The following SLC9A2 variants were observed in gnomAD, a reference collection of about 807,000 sequenced individuals.
SLC9A2 encodes sodium/hydrogen exchanger 2.
In SLC9A2, 42 loss-of-function variants were observed where a neutral mutation model predicts 71.7. The observed-to-expected ratio is 0.59, with a 90% CI of 0.46 to 0.76. The LOEUF (loss-of-function observed/expected upper bound fraction) is 0.76. Ranked by LOEUF, SLC9A2 falls within the 30% of genes least tolerant of loss-of-function variation. The pLI is 0.00. For missense variants in SLC9A2, 829 were observed against 1,017.4 expected (o/e 0.81, Z 2.52); for synonymous variants, 396 against 392.5 (o/e 1.01, Z -0.10).
At chr2:102,641,579 G>T (rs1232846740) in intron 1 of SLC9A2, among the ~76,000 whole-genome samples, 1 of 151,752 alleles carries the variant, frequency 6.6e-6, no homozygotes, top group East Asian at 1.9e-4. Flanking sequence ...CCCCCACAGG[G>T]AAGACAAGAT....
At chr2:102,662,761 G>GT (rs1444719526) in intron 2 of SLC9A2, among the ~76,000 whole-genome samples, 3 of 143,284 alleles carry the variant, frequency 2.1e-5, no homozygotes, top group Admixed American at 1.5e-4. Context: ...TTAGAAAGCA[G>GT]TTTAAAAAAA....
intron 1 of SLC9A2, among the ~76,000 whole-genome samples, chr2:102,655,501 T>C (rs114696504): frequency 0.01 from 1,540 of 152,286 alleles, 24 homozygotes; most frequent in African/African-American, 0.035. Flanking sequence ...AGTTTGTTGA[T>C]ATTTAAACTT....
At chr2:102,703,278 G>C (rs969145742) in intron 9 of SLC9A2, among the ~76,000 whole-genome samples, 1 of 152,070 alleles carries the variant, frequency 6.6e-6, no homozygotes, top group Non-Finnish European at 1.5e-5. Context: ...TAAACTATTC[G>C]TTGAAAATTT....
Position 102,684,383 on chromosome 2 carries a change from G to C in SLC9A2, c.1425+47G>C, listed in dbSNP as rs770690247. ...CCAGGAGGGTAAAAAATATCGTTCA[G>C]AATATTGGATTCTGTTTACAGGATG... On this transcript the variant is annotated intron_variant, in intron 5 of 11. Coordinates refer to ENST00000233969, the MANE Select transcript of SLC9A2 (RefSeq NM_003048.6). The C allele has an allele frequency of 4.6e-6, 7 of 1,534,254 alleles. No homozygotes were observed. The Middle Eastern group carries it at 6.9e-4, about 151-fold the overall frequency.
intron 5 of SLC9A2, among the ~76,000 whole-genome samples, chr2:102,688,992 A>G (rs1677608901): frequency 6.6e-6 from 1 of 152,232 alleles, no homozygotes. Flanking sequence ...AACTTAGGTT[A>G]AGTCACGGTG....
At chr2:102,647,320 C>T (rs549294381) in intron 1 of SLC9A2, among the ~76,000 whole-genome samples, 1 of 152,172 alleles carries the variant, frequency 6.6e-6, no homozygotes, top group Non-Finnish European at 1.5e-5. Context: ...CACAAGGTAC[C>T]AGAATCTCTG....
chr2:102,696,654 C>A (rs973459214), intron 7 of SLC9A2, among the ~76,000 whole-genome samples: 5 of 152,096 alleles, frequency 3.3e-5, no homozygotes, highest in African/African-American at 1.2e-4. Flanking sequence ...TAATGAGTGA[C>A]AAAGACATTC....
rs1198826827 is a variant in SLC9A2 at position 102,665,800 on chromosome 2, A to AAAG, written c.1004+451_1004+452insAGA. Among the ~76,000 whole-genome samples, 5 of 146,218 alleles carry AAAG rather than the reference A, an allele frequency of 3.4e-5. No individual in the cohort carries two copies. The East Asian group carries it at 5.8e-4, about 17-fold the overall frequency. The stretch of plus-strand genomic sequence containing the variant: ...AAAAAAAAAAAAAAAAAAAAAAAAA[A>AAAG]AGATTTTTCTTATGTTTTGTTACAA... On this transcript the variant is annotated intron_variant, in intron 3 of 11. Coordinates refer to ENST00000233969, the MANE Select transcript of SLC9A2 (RefSeq NM_003048.6).
Position 102,710,275 on chromosome 2 carries a change from TA to T in SLC9A2, c.*1790del, listed in dbSNP as rs1678079930. ...TGCTTAACACAAATTAAAACTGACA[TA>T]AAATTTTATGATAATAACATGATTC... On this transcript the variant is annotated 3_prime_UTR_variant, in exon 12 of 12. Transcript: ENST00000233969. 6 of 152,562 alleles carry T rather than the reference TA, an allele frequency of 3.9e-5. No individual in the cohort carries two copies. The highest frequency in any genetic ancestry group is 3.9e-4 in the Admixed American group (6 of 15,280). The allele number at this position is 152,562 out of a possible 1,614,324, so 9.5% of individuals were successfully genotyped here. A position where few individuals can be genotyped will look rare whatever the true frequency, so the allele number is the denominator to read the frequency against.
chr2:102,643,888 T>A (rs1676660966), intron 1 of SLC9A2, among the ~76,000 whole-genome samples: 1 of 146,210 alleles, frequency 6.8e-6, no homozygotes, highest in Non-Finnish European at 1.5e-5. Context: ...CTGTTGTATC[T>A]TTTTAAATTT....
At position 102,668,274 on chromosome 2, in the gene SLC9A2, C is replaced by T. The variant is rs181311029; in HGVS notation, c.1004+2924C>T. Among the ~76,000 whole-genome samples, 401 of 152,268 alleles carry T rather than the reference C, an allele frequency of 2.6e-3. 2 individuals carry two copies. Among genetic ancestry groups the T allele is most frequent in the African/African-American group, 9.3e-3 (387 of 41,554 alleles). ...TGTTTGTTCTCAGAAGTTATACCCT[C>T]TTTTCTAATGCGGGGTAATCAGTAT... On this transcript the variant is annotated intron_variant, in intron 3 of 11. Coordinates refer to ENST00000233969, the MANE Select transcript of SLC9A2 (RefSeq NM_003048.6).
chr2:102,673,883 T>C lies in SLC9A2; in HGVS notation c.1004+8533T>C, dbSNP rs979890595. On this transcript the variant is annotated intron_variant, in intron 3 of 11. Coordinates refer to ENST00000233969, the MANE Select transcript of SLC9A2 (RefSeq NM_003048.6). ...CTCACTGCAAGCTCCGCCTCCTGGG[T>C]CCATGCCCATTCTCCTGCCTCAGCT... Among the ~76,000 whole-genome samples the C allele has an allele frequency of 1.0e-3, 154 of 151,374 alleles. 1 individual carries two copies. Among genetic ancestry groups the C allele is most frequent in the African/African-American group, 3.3e-3 (138 of 41,218 alleles).
intron 1 of SLC9A2, among the ~76,000 whole-genome samples, chr2:102,625,425 C>T (rs918071634): frequency 5.3e-5 from 8 of 151,866 alleles, no homozygotes; most frequent in African/African-American, 1.9e-4. Flanking sequence ...CACCCATTAA[C>T]TCATCATTTA....
intron 9 of SLC9A2, 40 bp downstream of exon 9, chr2:102,702,542 G>A: frequency 8.1e-7 from 1 of 1,232,132 alleles, no homozygotes; most frequent in Non-Finnish European, 1.2e-6. Context: ...ACTTACCTTT[G>A]GCTAACAGGA....
intron 4 of SLC9A2, 37 bp from the exon 5 acceptor site, chr2:102,684,097 C>T: frequency 6.5e-7 from 1 of 1,548,666 alleles, no homozygotes; most frequent in Admixed American, 1.7e-5. Flanking sequence ...TTTGGCCTCA[C>T]CCAGTCTGTT....
intron 1 of SLC9A2, 73 bp downstream of exon 1, chr2:102,620,210 C>A (rs1558697408): frequency 7.4e-7 from 1 of 1,360,494 alleles, no homozygotes; most frequent in Non-Finnish European, 1.0e-6. Context: ...ACCGGGTCAG[C>A]CAGCTGACCT....
intron 3 of SLC9A2, among the ~76,000 whole-genome samples, chr2:102,678,120 C>T (rs1028631984): frequency 6.6e-5 from 10 of 152,190 alleles, no homozygotes; most frequent in South Asian, 6.2e-4. Context: ...TCTTCCCTTC[C>T]CTCATTCTAG....
chr2:102,672,869 C>T (rs539097672), intron 3 of SLC9A2, among the ~76,000 whole-genome samples: 1 of 152,224 alleles, frequency 6.6e-6, no homozygotes, highest in African/African-American at 2.4e-5. Flanking sequence ...CTTGCCTCAT[C>T]TTCTTAGAGG....
intron 1 of SLC9A2, among the ~76,000 whole-genome samples, chr2:102,642,105 G>A (rs970722596): frequency 2.0e-5 from 3 of 151,906 alleles, no homozygotes; most frequent in African/African-American, 4.8e-5. Context: ...AAGATAAGCA[G>A]TAACATAAGT....
Sources: allele counts gnomAD v4.1 joint callset (sites outside exome capture counted in the v4.1 genomes callset), GRCh38; gene constraint gnomAD v4.1.1; transcripts MANE v1.5; gene names NCBI Gene and HGNC (gene_info 2026-07-23, HGNC 2026-07-21).